The following GPR78 variants were observed in gnomAD, a reference collection of about 807,000 sequenced individuals.
GPR78 encodes the protein G protein-coupled receptor 78.
A neutral mutation model predicts 17.9 loss-of-function variants in GPR78; 29 were observed. The observed-to-expected ratio is 1.62, with a 90% CI of 1.20 to 2.21. GPR78 has a LOEUF of 2.21. Among genes scored for constraint, GPR78 ranks in the 30% most tolerant of loss-of-function variants. The probability of loss-of-function intolerance (pLI) is 0.00; values close to 1 mark genes in which losing one functional copy is unlikely to be tolerated. For missense variants in GPR78, 649 were observed against 530.5 expected (o/e 1.22, Z -2.19); for synonymous variants, 349 against 256.9 (o/e 1.36, Z -3.43).
At position 8,587,658 on chromosome 4, in the gene GPR78, A is replaced by G. The variant is rs957168750; in HGVS notation, c.*295A>G. ...TCTGGGGTCATGGCGATGCTTCGAG[A>G]CAGTGGGTAGGGAAGTGCCCTGTGT... is the stretch of plus-strand genomic sequence containing the variant. On this transcript the variant is annotated 3_prime_UTR_variant, in exon 3 of 3. Coordinates refer to ENST00000382487, the MANE Select transcript of GPR78 (RefSeq NM_080819.5). 5.9e-6 allele frequency: 3 copies of G among 504,646 alleles called. No homozygotes were observed. The highest frequency in any genetic ancestry group is 4.6e-5 in the South Asian group (2 of 43,810). The allele number at this position is 504,646 out of a possible 1,614,324, so 31.3% of individuals were successfully genotyped here. A position where few individuals can be genotyped will look rare whatever the true frequency, so the allele number is the denominator to read the frequency against.
chr4:8,580,965 T>C lies in GPR78; in HGVS notation c.-18T>C. 3 of 1,536,184 alleles carry C rather than the reference T, an allele frequency of 2.0e-6. No individual in the cohort carries two copies. The highest frequency in any genetic ancestry group is 2.3e-5 in the East Asian group (1 of 42,594). On this transcript the variant is annotated 5_prime_UTR_variant, in exon 1 of 3. Transcript: ENST00000382487. Reference sequence around the variant, plus strand: ...AGAGCCATGAGAACCCCAGGGTGCCTGGCGAGCCGCTAGCGCCATGGGCCC... The same window carrying C: ...AGAGCCATGAGAACCCCAGGGTGCCCGGCGAGCCGCTAGCGCCATGGGCCC...
chr4:8,581,887 G>C (rs558128098), intron 1 of GPR78, among the ~76,000 whole-genome samples: 1 of 152,318 alleles, frequency 6.6e-6, no homozygotes, highest in South Asian at 2.1e-4. Flanking sequence ...GCGCAGAGCT[G>C]TGGGGTGTGC....
At chr4:8,586,327 G>A (rs1199974569) in intron 2 of GPR78, among the ~76,000 whole-genome samples, 1 of 152,212 alleles carries the variant, frequency 6.6e-6, no homozygotes, top group Non-Finnish European at 1.5e-5. Context: ...CTCAGACACA[G>A]AGTGTGAGAC....
At position 8,588,463 on chromosome 4, in the gene GPR78, C is replaced by T. The variant is rs151163387; in HGVS notation, c.*1100C>T. 1.5e-3 allele frequency among the ~76,000 whole-genome samples: 228 copies of T among 152,372 alleles called. No homozygotes were observed. The highest frequency in any genetic ancestry group is 5.1e-3 in the African/African-American group (211 of 41,592). ...CTATTTCACAGCTCAGGGAAAGGTG[C>T]ACAGTGCACACGGGCACCCGGTGGA... is the stretch of plus-strand genomic sequence containing the variant. On this transcript the variant is annotated 3_prime_UTR_variant, in exon 3 of 3. Coordinates refer to ENST00000382487, the MANE Select transcript of GPR78 (RefSeq NM_080819.5).
rs188419105 is a variant in GPR78, at chr4:8,585,635, G to A, written c.783-1419G>A. On this transcript the variant is annotated intron_variant, in intron 2 of 2. Coordinates refer to ENST00000382487, the MANE Select transcript of GPR78 (RefSeq NM_080819.5). The stretch of plus-strand genomic sequence containing the variant: ...TAACTGGATCCTCACCACAGCCTGG[G>A]GTAGGTGGTTAGAGCCATGACTGCC... 2.7e-3 allele frequency among the ~76,000 whole-genome samples: 406 copies of A among 152,288 alleles called. 4 individuals carry two copies. Among genetic ancestry groups the A allele is most frequent in the African/African-American group, 9.0e-3 (372 of 41,548 alleles).
chr4:8,581,592 C>T lies in GPR78; in HGVS notation c.610C>T (p.Gln204Ter). The change falls in exon 1 of 3, where the codon CAG becomes TAG. Residue 204 changes from glutamine (Q) to a stop codon, truncating the protein, a stop_gained. Coordinates refer to ENST00000382487, the MANE Select transcript of GPR78 (RefSeq NM_080819.5). LOFTEE classifies it high-confidence loss of function. ...GCACCGGGTGGCACGCAGACACTGCCAGCGCATGGACACCGTCACCATGAA... is the reference window on the plus strand; with the variant it reads ...GCACCGGGTGGCACGCAGACACTGCTAGCGCATGGACACCGTCACCATGAA... Reference protein sequence around the residue: ...QVHRVARRHCQRMDTVTMKAL... With the variant: ...QVHRVARRHC The T allele has an allele frequency of 6.4e-7, 1 of 1,555,942 alleles. No individual in the cohort carries two copies. The highest frequency in any genetic ancestry group is 8.6e-7 in the Non-Finnish European group (1 of 1,157,966).
chr4:8,581,748 C>T (rs4696848), intron 1 of GPR78, 98 bp downstream of exon 1: 130,159 of 891,936 alleles, frequency 0.15, 12,889 homozygotes, highest in East Asian at 0.46. Flanking sequence ...ACCGTTACTC[C>T]GCCCAGAGTT....
intron 2 of GPR78, among the ~76,000 whole-genome samples, chr4:8,584,726 C>G (rs1337999581): frequency 7.2e-5 from 11 of 152,236 alleles, no homozygotes; most frequent in Admixed American, 2.0e-4. Context: ...TGAACCGAAT[C>G]AGAACCTCAC....
At position 8,580,792 on chromosome 4, in the gene GPR78, C is replaced by A. The variant is rs1360009342; in HGVS notation, c.-191C>A. On this transcript the variant is annotated 5_prime_UTR_variant, in exon 1 of 3. Coordinates refer to ENST00000382487, the MANE Select transcript of GPR78 (RefSeq NM_080819.5). ...TGCTCCTGCTCCGCAGAGCTACGCC[C>A]TCCCCCCGGGTGCCCCGGACCCTGC... is the stretch of plus-strand genomic sequence containing the variant. 8.1e-6 allele frequency: 5 copies of A among 613,996 alleles called. No homozygotes were observed. The highest frequency in any genetic ancestry group is 1.4e-5 in the Non-Finnish European group (5 of 362,548). The allele number at this position is 613,996 out of a possible 1,614,324, so 38.0% of individuals were successfully genotyped here. A position where few individuals can be genotyped will look rare whatever the true frequency, so the allele number is the denominator to read the frequency against.
chr4:8,588,272 A>T lies in GPR78; in HGVS notation c.*909A>T, dbSNP rs971360401. Among the ~76,000 whole-genome samples the T allele has an allele frequency of 6.6e-6, 1 of 152,254 alleles. No individual in the cohort carries two copies. The highest frequency in any genetic ancestry group is 2.4e-5 in the African/African-American group (1 of 41,554). Reference sequence around the variant, plus strand: ...GGATGGGGAGGGCCCTTGCTCCCCAACAGCAGTGCTGGGGGAGCCAAGAGA... The same window carrying T: ...GGATGGGGAGGGCCCTTGCTCCCCATCAGCAGTGCTGGGGGAGCCAAGAGA... On this transcript the variant is annotated 3_prime_UTR_variant, in exon 3 of 3. Transcript: ENST00000382487.
Position 8,581,450 on chromosome 4 carries a change from T to C in GPR78, c.468T>C (p.Cys156=). 1.3e-6 allele frequency: 2 copies of C among 1,591,296 alleles called. No homozygotes were observed. The highest frequency in any genetic ancestry group is 1.7e-6 in the Non-Finnish European group (2 of 1,176,652). Residue 156 remains cysteine, a synonymous_variant, in exon 1 of 3, where the codon TGT becomes TGC. Coordinates refer to ENST00000382487, the MANE Select transcript of GPR78 (RefSeq NM_080819.5). The part of the protein sequence containing the change: ...WLGYSSAFAS[C]SLRLPPEPER... ...GCTACAGCAGCGCCTTCGCGTCCTG[T>C]TCGCTGCGCCTGCCGCCCGAGCCTG...
At chr4:8,586,414 C>T (rs546800039) in intron 2 of GPR78, among the ~76,000 whole-genome samples, 43 of 152,218 alleles carry the variant, frequency 2.8e-4, no homozygotes, top group South Asian at 1.5e-3. Flanking sequence ...TGCTTCGGGA[C>T]AGTGGGTAGG....
chr4:8,585,567 G>T (rs767555400), intron 2 of GPR78, among the ~76,000 whole-genome samples: 17 of 152,304 alleles, frequency 1.1e-4, no homozygotes, highest in Non-Finnish European at 2.1e-4. Context: ...TGATGTGCAT[G>T]TGCTGGCCGG....
rs1020846950 is a variant in GPR78, at chr4:8,589,607, G to A, written c.*2244G>A. Among the ~76,000 whole-genome samples the A allele has an allele frequency of 5.9e-5, 9 of 152,260 alleles. No homozygotes were observed. Among genetic ancestry groups the A allele is most frequent in the Admixed American group, 4.6e-4 (7 of 15,290 alleles). On this transcript the variant is annotated 3_prime_UTR_variant, in exon 3 of 3. Coordinates refer to ENST00000382487, the MANE Select transcript of GPR78 (RefSeq NM_080819.5). ...CTGTCCCTGGGAGCTCCCCAGGTGCGAGGAGCCTGCCAGCCAGTGGGGCCT... is the reference window on the plus strand; with the variant it reads ...CTGTCCCTGGGAGCTCCCCAGGTGCAAGGAGCCTGCCAGCCAGTGGGGCCT...
rs758542009 is a variant in GPR78, at chr4:8,587,331, G to C, written c.1060G>C (p.Glu354Gln). The change falls in exon 3 of 3, where the codon GAG (glutamate) becomes CAG (glutamine). Residue 354 changes from glutamate to glutamine, a missense_variant. Coordinates refer to ENST00000382487, the MANE Select transcript of GPR78 (RefSeq NM_080819.5). ...ASTHNGSVDT[E>Q]NDSCLQQTH The stretch of plus-strand genomic sequence containing the variant: ...CACCCACAACGGCTCTGTGGACACA[G>C]AGAATGATTCCTGCCTGCAGCAGAC... 2.5e-5 allele frequency: 40 copies of C among 1,612,992 alleles called. No individual in the cohort carries two copies. In the African/African-American group the frequency reaches 4.8e-4, roughly 19 times the overall value.
In GPR78 at chr4:8,581,668, G is replaced by T; in HGVS notation, c.668+18G>T. ...CACCCCAGGTATTGGCCCAGTGCAT[G>T]CCGACAGGCCCAGGCCAGGGACTTG... is the stretch of plus-strand genomic sequence containing the variant. On this transcript the variant is annotated intron_variant, in intron 1 of 2. Coordinates refer to ENST00000382487, the MANE Select transcript of GPR78 (RefSeq NM_080819.5). 1.4e-6 allele frequency: 2 copies of T among 1,435,470 alleles called. No homozygotes were observed. Among genetic ancestry groups the T allele is most frequent in the Non-Finnish European group, 1.8e-6 (2 of 1,098,260 alleles). 88.9% of individuals were successfully genotyped at this position (1,435,470 alleles called of 1,614,324 possible). A position where few individuals can be genotyped will look rare whatever the true frequency, so the allele number is the denominator to read the frequency against.
chr4:8,581,187 C>G lies in GPR78; in HGVS notation c.205C>G (p.Arg69Gly). 1 of 1,602,280 alleles carries G rather than the reference C, an allele frequency of 6.2e-7. No individual in the cohort carries two copies. The highest frequency in any genetic ancestry group is 8.5e-7 in the Non-Finnish European group (1 of 1,179,040). Residue 69 changes from arginine to glycine, a missense_variant, in exon 1 of 3, where the codon CGC becomes GGC. Physicochemically the swap from Arg to Gly is moderately radical, Grantham distance 125. Coordinates refer to ENST00000382487, the MANE Select transcript of GPR78 (RefSeq NM_080819.5). Reference sequence around the variant, plus strand: ...GCCCTTCACGCTGCTCGGTGTGATGCGCGGGCGGACACCGTCGGCGCCCGG... The same window carrying G: ...GCCCTTCACGCTGCTCGGTGTGATGGGCGGGCGGACACCGTCGGCGCCCGG... ...DMPFTLLGVM[R>G]GRTPSAPGAC...
chr4:8,584,122 C>G (rs1414454267), intron 2 of GPR78, among the ~76,000 whole-genome samples: 1 of 152,204 alleles, frequency 6.6e-6, no homozygotes, highest in Non-Finnish European at 1.5e-5. Flanking sequence ...CATGCACATG[C>G]ATGTACATAT....
intron 2 of GPR78, 79 bp downstream of exon 2, chr4:8,582,723 C>G: frequency 1.1e-6 from 1 of 901,646 alleles, no homozygotes; most frequent in Admixed American, 1.7e-5. Flanking sequence ...TCTGAGGTTT[C>G]CCAGCAAGAT....
Sources: gnomAD v4.1 joint callset for allele counts (sites outside exome capture counted in the v4.1 genomes callset) on GRCh38, gnomAD v4.1.1 for gene constraint, MANE v1.5 for transcripts, NCBI Gene and HGNC (gene_info 2026-07-23, HGNC 2026-07-21) for gene names.